DPP10: variants seen among roughly 807,000 people sequenced by gnomAD.
DPP10 encodes inactive dipeptidyl peptidase 10.
DPP10 carries 33 observed loss-of-function variants against 120.9 expected under a neutral mutation model. The observed-to-expected ratio is 0.27, with a 90% CI of 0.21 to 0.37. The LOEUF (loss-of-function observed/expected upper bound fraction) is 0.37. DPP10 is among the 10% of genes least tolerant of loss of function. The pLI is 1.00. For missense variants in DPP10, 816 were observed against 942.8 expected (o/e 0.87, Z 1.76); for synonymous variants, 337 against 326.1 (o/e 1.03, Z -0.36).
At chr2:115,816,352 T>A (rs1445346357) in intron 21 of DPP10, among the ~76,000 whole-genome samples, 1 of 152,144 alleles carries the variant, frequency 6.6e-6, no homozygotes, top group African/African-American at 2.4e-5. Flanking sequence ...TATACCTAAA[T>A]AACAAATGGA....
At chr2:115,759,497 A>G (rs1679835844) in intron 11 of DPP10, among the ~76,000 whole-genome samples, 1 of 152,126 alleles carries the variant, frequency 6.6e-6, no homozygotes, top group Non-Finnish European at 1.5e-5. Flanking sequence ...ACTACACTAA[A>G]ATAACAAAAA....
At chr2:115,467,175 GATAA>G (rs2074379006) in intron 3 of DPP10, among the ~76,000 whole-genome samples, 1 of 152,082 alleles carries the variant, frequency 6.6e-6, no homozygotes. Context: ...AAAAAGAAAT[GATAA>G]ATACATGCAT....
intron 5 of DPP10, among the ~76,000 whole-genome samples, chr2:115,632,693 C>A (rs2085978184): frequency 6.6e-6 from 1 of 152,056 alleles, no homozygotes; most frequent in African/African-American, 2.4e-5. Context: ...TGACAAAGGG[C>A]TAATGTCCAG....
At chr2:114,686,798 C>T (rs968719073) in intron 1 of DPP10, among the ~76,000 whole-genome samples, 4 of 151,892 alleles carry the variant, frequency 2.6e-5, no homozygotes, top group Non-Finnish European at 5.9e-5. Context: ...ACATTCTTCC[C>T]ATACAAAAAA....
intron 1 of DPP10, among the ~76,000 whole-genome samples, chr2:114,523,858 T>G (rs1204985319): frequency 6.6e-6 from 1 of 152,094 alleles, no homozygotes; most frequent in Non-Finnish European, 1.5e-5. Flanking sequence ...ACCCTAATGA[T>G]CCATCTCACA....
At position 115,814,994 on chromosome 2, in the gene DPP10, G is replaced by T. The variant is rs1687069175; in HGVS notation, c.1895+7G>T. ...ACCAAATAACAGCTGTGAAGTAAGT[G>T]GATGCACATTTTTCTTCTCTGTTTT... On this transcript the variant is annotated splice_region_variant and intron_variant, in intron 20 of 25. Transcript: ENST00000410059. The T allele has an allele frequency of 5.1e-6, 8 of 1,579,126 alleles. No homozygotes were observed. The highest frequency in any genetic ancestry group is 6.1e-6 in the Non-Finnish European group (7 of 1,154,178).
At chr2:114,729,838 A>C (rs1164919428) in intron 1 of DPP10, among the ~76,000 whole-genome samples, 1 of 152,228 alleles carries the variant, frequency 6.6e-6, no homozygotes, top group Non-Finnish European at 1.5e-5. Flanking sequence ...AGTCATATTG[A>C]ACAGAAAGAG....
chr2:114,639,691 A>T (rs1208511697), intron 1 of DPP10, among the ~76,000 whole-genome samples: 1 of 151,914 alleles, frequency 6.6e-6, no homozygotes, highest in Non-Finnish European at 1.5e-5. Flanking sequence ...AAAACAAGCA[A>T]GTTGTCAATT....
intron 19 of DPP10, among the ~76,000 whole-genome samples, chr2:115,809,648 C>T (rs1427546350): frequency 3.3e-5 from 5 of 152,230 alleles, no homozygotes; most frequent in South Asian, 2.1e-4. Context: ...ACTCGTGCAA[C>T]TGAGCGAACC....
intron 1 of DPP10, among the ~76,000 whole-genome samples, chr2:114,985,461 G>A (rs188361477): frequency 6.6e-6 from 1 of 152,338 alleles, no homozygotes; most frequent in East Asian, 1.9e-4. Context: ...CCAGTAGACT[G>A]TAAGCTTTAC....
At chr2:114,905,783 A>G (rs1693914234) in intron 1 of DPP10, among the ~76,000 whole-genome samples, 1 of 152,186 alleles carries the variant, frequency 6.6e-6, no homozygotes, top group Non-Finnish European at 1.5e-5. Context: ...CCTGGCCTCA[A>G]GTGACCTGCT....
At chr2:115,490,548 C>T (rs984888401) in intron 3 of DPP10, among the ~76,000 whole-genome samples, 1 of 152,050 alleles carries the variant, frequency 6.6e-6, no homozygotes, top group African/African-American at 2.4e-5. Flanking sequence ...AAATGGTAAC[C>T]CAACTCCCTT....
intron 1 of DPP10, among the ~76,000 whole-genome samples, chr2:115,032,839 C>T (rs1369773635): frequency 2.0e-5 from 3 of 149,214 alleles, no homozygotes; most frequent in Non-Finnish European, 4.4e-5. Flanking sequence ...GAGCTGAGAT[C>T]GCGCCATTGT....
At chr2:115,718,359 G>C (rs1202502245) in intron 7 of DPP10, among the ~76,000 whole-genome samples, 1 of 152,074 alleles carries the variant, frequency 6.6e-6, no homozygotes, top group Non-Finnish European at 1.5e-5. Context: ...ATATTACAAA[G>C]AGCAATTGAC....
At chr2:114,728,343 A>G (rs1676551010) in intron 1 of DPP10, among the ~76,000 whole-genome samples, 1 of 152,126 alleles carries the variant, frequency 6.6e-6, no homozygotes, top group South Asian at 2.1e-4. Context: ...GGGCTCCAAG[A>G]TTTTGGAGTT....
chr2:114,568,700 G>A (rs1167108934), intron 1 of DPP10, among the ~76,000 whole-genome samples: 1 of 152,274 alleles, frequency 6.6e-6, no homozygotes, highest in African/African-American at 2.4e-5. Context: ...AAGTAAACGC[G>A]ATCATATTTA....
intron 5 of DPP10, among the ~76,000 whole-genome samples, chr2:115,597,274 T>C (rs1230200675): frequency 6.6e-6 from 1 of 152,032 alleles, no homozygotes; most frequent in East Asian, 1.9e-4. Context: ...CACACCAAGG[T>C]CAAGTTTTTT....
At chr2:115,537,176 CAT>C (rs1575122942) in intron 5 of DPP10, among the ~76,000 whole-genome samples, 1 of 151,996 alleles carries the variant, frequency 6.6e-6, no homozygotes, top group African/African-American at 2.4e-5. Flanking sequence ...AAATTTGAAA[CAT>C]GTTTTTAGAA....
At chr2:115,235,188 G>A (rs536418749) in intron 1 of DPP10, among the ~76,000 whole-genome samples, 1 of 152,230 alleles carries the variant, frequency 6.6e-6, no homozygotes, top group South Asian at 2.1e-4. Context: ...CAGAGAATTG[G>A]ACTTACCTTT....
Sources: allele counts gnomAD v4.1 joint callset (sites outside exome capture counted in the v4.1 genomes callset), GRCh38; gene constraint gnomAD v4.1.1; transcripts MANE v1.5; gene names NCBI Gene and HGNC (gene_info 2026-07-23, HGNC 2026-07-21).